MECOM: variants seen among roughly 807,000 people sequenced by gnomAD.
MECOM encodes the protein histone-lysine N-methyltransferase MECOM.
MECOM carries 13 observed loss-of-function variants against 116.3 expected under a neutral mutation model. The observed-to-expected ratio is 0.11, with a 90% CI of 0.07 to 0.18. The LOEUF (loss-of-function observed/expected upper bound fraction) is 0.18. MECOM is among the 10% of genes least tolerant of loss of function. The pLI is 1.00. For synonymous variants in MECOM, 528 were observed against 535.2 expected, an observed-to-expected ratio of 0.99 and a Z score of 0.19; for missense variants, 1,299 against 1,509.0, an observed-to-expected ratio of 0.86 and a Z score of 2.31.
intron 1 of MECOM, among the ~76,000 whole-genome samples, chr3:169,550,982 C>A (rs954838705): frequency 8.0e-5 from 9 of 111,948 alleles, no homozygotes; most frequent in African/African-American, 2.6e-4. Flanking sequence ...CGCCACTACG[C>A]CCGGCTAATT....
chr3:169,617,222 C>G (rs1229044426), intron 1 of MECOM, among the ~76,000 whole-genome samples: 1 of 152,012 alleles, frequency 6.6e-6, no homozygotes, highest in Non-Finnish European at 1.5e-5. Flanking sequence ...AGAGGTAGGA[C>G]CATAGGTAAT....
chr3:169,131,405 G>C, intron 4 of MECOM, 24 bp downstream of exon 4: 1 of 1,571,060 alleles, frequency 6.4e-7, no homozygotes. Flanking sequence ...AGGTGATAAG[G>C]AGGGTGGCGT....
At chr3:169,258,887 T>C (rs1374486391) in intron 2 of MECOM, among the ~76,000 whole-genome samples, 2 of 152,228 alleles carry the variant, frequency 1.3e-5, no homozygotes, top group Admixed American at 1.3e-4. Flanking sequence ...TATTCACATG[T>C]TTAATCTCAT....
chr3:169,520,340 C>G (rs958751417), intron 1 of MECOM, among the ~76,000 whole-genome samples: 4 of 152,186 alleles, frequency 2.6e-5, no homozygotes, highest in Non-Finnish European at 4.4e-5. Flanking sequence ...TGATGAAATA[C>G]TAATTTTCCC....
At chr3:169,085,851 A>G (rs2148815232) in intron 16 of MECOM, among the ~76,000 whole-genome samples, 1 of 152,332 alleles carries the variant, frequency 6.6e-6, no homozygotes, top group East Asian at 1.9e-4. Context: ...CAAGCAAAAT[A>G]TTCAAATGAA....
chr3:169,167,084 C>T (rs1052062605), intron 2 of MECOM, among the ~76,000 whole-genome samples: 1 of 152,158 alleles, frequency 6.6e-6, no homozygotes, highest in African/African-American at 2.4e-5. Context: ...AAGCAATCCT[C>T]TCACCTCAGC....
intron 2 of MECOM, among the ~76,000 whole-genome samples, chr3:169,263,379 T>G (rs1337070786): frequency 1.3e-5 from 2 of 151,528 alleles, no homozygotes; most frequent in African/African-American, 4.8e-5. Context: ...CTGCCCGCCT[T>G]GGCCTCCCAA....
intron 1 of MECOM, among the ~76,000 whole-genome samples, chr3:169,469,725 A>G (rs1748894033): frequency 6.6e-6 from 1 of 152,204 alleles, no homozygotes; most frequent in South Asian, 2.1e-4. Context: ...TTTGGAATTT[A>G]AGAAATATGA....
intron 1 of MECOM, among the ~76,000 whole-genome samples, chr3:169,542,652 T>A (rs187577449): frequency 1.4e-3 from 219 of 152,342 alleles, no homozygotes; most frequent in African/African-American, 5.1e-3. Context: ...AGATGCTTTA[T>A]GGCAACAATG....
chr3:169,195,753 G>T (rs746919988), intron 2 of MECOM, among the ~76,000 whole-genome samples: 2 of 151,934 alleles, frequency 1.3e-5, no homozygotes, highest in Non-Finnish European at 2.9e-5. Context: ...AAAAAATGGG[G>T]GATGGGAACA....
At chr3:169,217,103 A>G (rs1751513455) in intron 2 of MECOM, among the ~76,000 whole-genome samples, 1 of 152,180 alleles carries the variant, frequency 6.6e-6, no homozygotes, top group Non-Finnish European at 1.5e-5. Context: ...ATCCGCAGAT[A>G]GCCAGAGCCA....
chr3:169,177,148 T>C (rs1272657104), intron 2 of MECOM, among the ~76,000 whole-genome samples: 4 of 152,182 alleles, frequency 2.6e-5, no homozygotes, highest in African/African-American at 4.8e-5. Context: ...ATCATTCTAC[T>C]ATAAAGACAT....
chr3:169,639,289 C>T (rs1397394798), intron 1 of MECOM, among the ~76,000 whole-genome samples: 4 of 152,158 alleles, frequency 2.6e-5, no homozygotes, highest in South Asian at 4.1e-4. Flanking sequence ...CCAATCAGTG[C>T]ATAGTGTTCC....
intron 1 of MECOM, among the ~76,000 whole-genome samples, chr3:169,537,016 T>A (rs1759450523): frequency 6.6e-6 from 1 of 152,198 alleles, no homozygotes; most frequent in African/African-American, 2.4e-5. Context: ...ATGAAAATTC[T>A]AATCCAGATC....
At chr3:169,407,716 GGAAA>G (rs1360697276) in intron 1 of MECOM, among the ~76,000 whole-genome samples, 1 of 152,102 alleles carries the variant, frequency 6.6e-6, no homozygotes, top group Non-Finnish European at 1.5e-5. Context: ...AATTAGGAGA[GGAAA>G]GAAATACCTG....
At chr3:169,479,270 A>AGTGTGTGTGTGT (rs10629993) in intron 1 of MECOM, among the ~76,000 whole-genome samples, 194 of 148,710 alleles carry the variant, frequency 1.3e-3, no homozygotes, top group African/African-American at 4.4e-3. Flanking sequence ...TAGGGATGTG[A>AGTGTGTGTGTGT]GTGTGTGTGT....
chr3:169,174,236 T>C (rs1430159442), intron 2 of MECOM, among the ~76,000 whole-genome samples: 1 of 152,196 alleles, frequency 6.6e-6, no homozygotes, highest in African/African-American at 2.4e-5. Context: ...CTCTAGTATT[T>C]CCAAGACCAG....
At chr3:169,653,118 T>A (rs952219933) in intron 1 of MECOM, among the ~76,000 whole-genome samples, 3 of 152,340 alleles carry the variant, frequency 2.0e-5, no homozygotes, top group Admixed American at 6.5e-5. Context: ...TTTATCACTG[T>A]CAAAATAGGT....
Position 169,466,295 on chromosome 3 carries a change from A to G in MECOM, c.38-84771T>C, listed in dbSNP as rs114122974. On this transcript the variant is annotated intron_variant, in intron 1 of 16. Coordinates refer to ENST00000651503, the MANE Select transcript of MECOM (RefSeq NM_004991.4). ...GTCCTTCTCAAAGAAGCCTTGGTAC[A>G]CACCTTTGACCCTTAACTGGGGTGC... Among the ~76,000 whole-genome samples the G allele has an allele frequency of 1.2e-3, 178 of 152,326 alleles. 2 individuals carry two copies. Among genetic ancestry groups the G allele is most frequent in the African/African-American group, 4.2e-3 (175 of 41,576 alleles).
Sources: gnomAD v4.1 joint callset for allele counts (sites outside exome capture counted in the v4.1 genomes callset) on GRCh38, gnomAD v4.1.1 for gene constraint, MANE v1.5 for transcripts, NCBI Gene and HGNC (gene_info 2026-07-23, HGNC 2026-07-21) for gene names.